The following NLGN3 variants were observed in gnomAD, a reference collection of about 807,000 sequenced individuals.
NLGN3 encodes the protein neuroligin-3.
NLGN3 carries 11 observed loss-of-function variants against 42.9 expected under a neutral mutation model. The observed-to-expected ratio is 0.26, with a 90% CI of 0.16 to 0.42. NLGN3 has a LOEUF of 0.42. Among genes scored for constraint, NLGN3 ranks in the 10% least tolerant of loss-of-function variants. The pLI is 1.00. For synonymous variants in NLGN3, 279 were observed against 312.7 expected, an observed-to-expected ratio of 0.89 and a Z score of 1.14; for missense variants, 374 against 733.8, an observed-to-expected ratio of 0.51 and a Z score of 5.67.
intron 7 of NLGN3, among the ~76,000 whole-genome samples, chrX:71,168,155 G>A (rs1185126919): frequency 9.1e-6 from 1 of 110,025 alleles, no homozygotes; most frequent in East Asian, 2.9e-4. Flanking sequence ...GACCAGCCAC[G>A]GCAACATAGA....
At position 71,147,763 on chromosome X, in the gene NLGN3, T is replaced by G; in HGVS notation, c.14T>G (p.Leu5Arg). The G allele has an allele frequency of 8.3e-7, 1 of 1,207,576 alleles. No individual in the cohort carries two copies. Among genetic ancestry groups the G allele is most frequent in the African/African-American group, 1.7e-5 (1 of 57,748 alleles). Reference sequence around the variant, plus strand: ...CCTGCCCGGAACATGTGGCTGCGGCTTGGCCCGCCCTCGCTGTCCCTGAGC... The same window carrying G: ...CCTGCCCGGAACATGTGGCTGCGGCGTGGCCCGCCCTCGCTGTCCCTGAGC... Reference protein sequence around the residue: MWLRLGPPSLSLSPK... With the variant: MWLRRGPPSLSLSPK... Residue 5 changes from leucine to arginine, a missense_variant, in exon 2 of 8, where the codon CTT (leucine) becomes CGT (arginine). Physicochemically the swap from Leu to Arg is moderately radical, Grantham distance 102. Coordinates refer to ENST00000358741, the MANE Select transcript of NLGN3 (RefSeq NM_181303.2).
rs5902684 is a variant in NLGN3 at position 71,166,457 on chromosome X, C to CA, written c.914-539dup. ...GGCAACAAGAGCAAAACTCCATCTC[C>CA]AAAAAAAAAAAAAAACAAAGTATCA... On this transcript the variant is annotated intron_variant, in intron 6 of 7. Transcript: ENST00000358741. Among the ~76,000 whole-genome samples the CA allele has an allele frequency of 6.7e-3, 552 of 82,162 alleles. 3 individuals carry two copies. Among genetic ancestry groups the CA allele is most frequent in the South Asian group, 0.022 (38 of 1,712 alleles). 71.3% of individuals were successfully genotyped at this position (82,162 alleles called of 115,157 possible). A position where few individuals can be genotyped will look rare whatever the true frequency, so the allele number is the denominator to read the frequency against.
chrX:71,147,455 T>G, intron 1 of NLGN3, 95 bp from the exon 2 acceptor site: 1 of 402,738 alleles, frequency 2.5e-6, no homozygotes, highest in Non-Finnish European at 4.4e-6. Flanking sequence ...CTCCTACCTA[T>G]AAGAGAATAG....
Position 71,170,518 on chromosome X carries a change from G to T in NLGN3, c.*421G>T. ...CCAGACTTGGGAGCTTTAAAGAGCA[G>T]GATAGCTCTTCCTCCCCAGGACTTG... is the stretch of plus-strand genomic sequence containing the variant. On this transcript the variant is annotated 3_prime_UTR_variant, in exon 8 of 8. Coordinates refer to ENST00000358741, the MANE Select transcript of NLGN3 (RefSeq NM_181303.2). 1 of 824,005 alleles carries T rather than the reference G, an allele frequency of 1.2e-6. No homozygotes were observed. Among genetic ancestry groups the T allele is most frequent in the East Asian group, 9.8e-5 (1 of 10,157 alleles). 67.9% of individuals were successfully genotyped at this position (824,005 alleles called of 1,213,427 possible).
chrX:71,173,446 G>A (rs185077787), downstream of NLGN3, among the ~76,000 whole-genome samples: 117 of 112,073 alleles, frequency 1.0e-3, no homozygotes, highest in South Asian at 2.3e-3. Context: ...CCCTGTTGCT[G>A]ATGGCCAGCC....
intron 5 of NLGN3, among the ~76,000 whole-genome samples, chrX:71,159,890 A>ATTT (rs748275369): frequency 3.0e-4 from 15 of 50,403 alleles, no homozygotes; most frequent in African/African-American, 5.1e-4. Context: ...ACGCCCAGCT[A>ATTT]TTTTTTTTTT....
At chrX:71,160,208 T>C (rs751182510) in intron 5 of NLGN3, among the ~76,000 whole-genome samples, 1 of 103,285 alleles carries the variant, frequency 9.7e-6, no homozygotes, top group African/African-American at 3.8e-5. Context: ...CTTTTTTCTT[T>C]CTTTCTTTTT....
intron 5 of NLGN3, among the ~76,000 whole-genome samples, chrX:71,162,479 A>G (rs370908353): frequency 1.8e-5 from 2 of 111,542 alleles, no homozygotes; most frequent in African/African-American, 6.5e-5. Context: ...TGGGCCACGC[A>G]AAGGAAAAGC....
intron 6 of NLGN3, among the ~76,000 whole-genome samples, chrX:71,165,554 GT>G (rs762394203): frequency 9.2e-6 from 1 of 108,900 alleles, no homozygotes; most frequent in Admixed American, 9.8e-5. Flanking sequence ...ATCTCGCTCT[GT>G]TCCCCAGGCT....
downstream of NLGN3, among the ~76,000 whole-genome samples, chrX:71,174,688 T>C (rs1237768509): frequency 1.8e-5 from 2 of 111,888 alleles, no homozygotes; most frequent in African/African-American, 3.2e-5. Flanking sequence ...TGGGAAAACA[T>C]GTATACATGT....
intron 6 of NLGN3, among the ~76,000 whole-genome samples, chrX:71,166,077 A>C (rs2092446030): frequency 9.1e-6 from 1 of 110,445 alleles, no homozygotes; most frequent in Non-Finnish European, 1.9e-5. Flanking sequence ...CTAGAGGGGA[A>C]AATTATTTTC....
At chrX:71,173,092 T>C (rs2092473840), downstream of NLGN3, among the ~76,000 whole-genome samples, 1 of 110,398 alleles carries the variant, frequency 9.1e-6, no homozygotes, top group African/African-American at 3.3e-5. Flanking sequence ...TTGAGGTCAA[T>C]TCAGAGTCTT....
downstream of NLGN3, among the ~76,000 whole-genome samples, chrX:71,174,903 G>A (rs779801716): frequency 1.3e-4 from 15 of 112,155 alleles, no homozygotes; most frequent in Non-Finnish European, 2.1e-4. Flanking sequence ...GAAAGCTCAT[G>A]AGTTGAAAGT....
chrX:71,161,714 C>CA (rs1490669853), intron 5 of NLGN3, among the ~76,000 whole-genome samples: 25 of 111,498 alleles, frequency 2.2e-4, no homozygotes, highest in African/African-American at 7.2e-4. Flanking sequence ...GCGGAGGTTG[C>CA]AGCGAGCCGA....
chrX:71,148,954 C>G, intron 3 of NLGN3, 49 bp downstream of exon 3: 1 of 775,914 alleles, frequency 1.3e-6, no homozygotes, highest in Non-Finnish European at 1.8e-6. Context: ...GGGAGGGCTG[C>G]CTGCCCACCT....
At chrX:71,158,203 G>A (rs185259480) in intron 5 of NLGN3, among the ~76,000 whole-genome samples, 1 of 110,019 alleles carries the variant, frequency 9.1e-6, no homozygotes, top group Non-Finnish European at 1.9e-5. Flanking sequence ...TCAGCCTCCC[G>A]AGCAGCTGGG....
intron 5 of NLGN3, among the ~76,000 whole-genome samples, chrX:71,159,197 C>T (rs762360307): frequency 3.6e-5 from 4 of 110,038 alleles, no homozygotes; most frequent in Non-Finnish European, 5.7e-5. Context: ...GGCATGCGCC[C>T]GTAGTCCCAG....
At position 71,169,992 on chromosome X, in the gene NLGN3, C is replaced by T. The variant is rs2092465446; in HGVS notation, c.2442C>T (p.Ile814=). Residue 814 remains isoleucine (I), a synonymous_variant, in exon 8 of 8, where the codon ATC becomes ATT. Transcript: ENST00000358741. ...TGACCCCCAACACCATCACTATGAT[C>T]CCCAACTCCCTGGTAGGGCTGCAGA... ...PLMTPNTITM[I]PNSLVGLQTL... is the part of the protein sequence containing the mutation. 1 of 1,206,631 alleles carries T rather than the reference C, an allele frequency of 8.3e-7. No individual in the cohort carries two copies. Among genetic ancestry groups the T allele is most frequent in the African/African-American group, 1.8e-5 (1 of 56,588 alleles).
intron 3 of NLGN3, 108 bp from the exon 4 acceptor site, chrX:71,153,369 G>A: frequency 1.2e-6 from 1 of 811,037 alleles, no homozygotes; most frequent in African/African-American, 2.0e-5. Context: ...CTGGGCCCAG[G>A]CCCGGAGCTG....
Sources: allele counts gnomAD v4.1 joint callset (sites outside exome capture counted in the v4.1 genomes callset), GRCh38; gene constraint gnomAD v4.1.1; transcripts MANE v1.5; gene names NCBI Gene and HGNC (gene_info 2026-07-23, HGNC 2026-07-21).